The following ZNF277 variants were observed in gnomAD, a reference collection of about 807,000 sequenced individuals.
The protein encoded by ZNF277 is nuclear receptor-interacting factor 4.
Under a neutral mutation model 60.7 loss-of-function variants are expected in ZNF277, and 55 were observed. The ratio of observed to expected loss-of-function variants is 0.91; its 90% confidence interval spans 0.73 to 1.13. ZNF277 has a LOEUF of 1.13. ZNF277 is among the 50% of genes most tolerant of loss of function. The pLI is 0.00. For synonymous variants in ZNF277, 178 were observed against 179.3 expected (o/e 0.99, Z 0.06); for missense variants, 510 against 523.0 (o/e 0.98, Z 0.24).
chr7:112,334,265 G>A (rs1307801925), intron 7 of ZNF277, among the ~76,000 whole-genome samples: 2 of 152,064 alleles, frequency 1.3e-5, no homozygotes, highest in Non-Finnish European at 2.9e-5. Context: ...TTATTCATGA[G>A]CCATCTGATG....
intron 7 of ZNF277, 163 bp downstream of exon 7, chr7:112,330,379 C>T (rs555145115): frequency 1.5e-6 from 1 of 656,284 alleles, no homozygotes; most frequent in South Asian, 1.9e-5. Flanking sequence ...GAGTACAAGA[C>T]ATTTGATTTG....
Position 112,296,275 on chromosome 7 carries a change from T to C in ZNF277, c.429T>C (p.Asp143=), listed in dbSNP as rs1261016296. The C allele has an allele frequency of 6.3e-7, 1 of 1,592,486 alleles. No individual in the cohort carries two copies. Among genetic ancestry groups the C allele is most frequent in the East Asian group, 2.3e-5 (1 of 44,362 alleles). Residue 143 remains aspartate (D), a synonymous_variant, in exon 4 of 12, where the codon GAT becomes GAC. Coordinates refer to ENST00000361822, the MANE Select transcript of ZNF277 (RefSeq NM_021994.3). ...TGTTATGTGACGTTTTACCAGAAGA[T>C]AGAATTCTTAGAGAAGAGCTTCAGA... ...YFLLCDVLPE[D]RILREELQKQ...
chr7:112,310,212 G>A (rs1444971913), intron 4 of ZNF277, among the ~76,000 whole-genome samples: 1 of 151,986 alleles, frequency 6.6e-6, no homozygotes, highest in East Asian at 1.9e-4. Context: ...GGTCTTTTCT[G>A]GCATGGCCAG....
chr7:112,239,351 AT>A (rs1381123632), intron 1 of ZNF277, among the ~76,000 whole-genome samples: 1 of 150,078 alleles, frequency 6.7e-6, no homozygotes, highest in Non-Finnish European at 1.5e-5. Flanking sequence ...GTCTAGCTGG[AT>A]TTATTACTGC....
chr7:112,341,089 T>C (rs1213830656), intron 11 of ZNF277, 43 bp downstream of exon 11: 21 of 1,504,996 alleles, frequency 1.4e-5, no homozygotes, highest in Non-Finnish European at 1.9e-5. Context: ...ACTCCAACTC[T>C]TTGATTTTGT....
intron 1 of ZNF277, among the ~76,000 whole-genome samples, chr7:112,233,725 A>G (rs1342516208): frequency 1.3e-5 from 2 of 152,192 alleles, no homozygotes; most frequent in Non-Finnish European, 2.9e-5. Flanking sequence ...TGCACAGAAT[A>G]TTCTGAGACT....
At chr7:112,229,122 A>C (rs1318136573) in intron 1 of ZNF277, among the ~76,000 whole-genome samples, 1 of 152,240 alleles carries the variant, frequency 6.6e-6, no homozygotes, top group Non-Finnish European at 1.5e-5. Context: ...TAAAAGGACA[A>C]GACATAGTTG....
intron 4 of ZNF277, among the ~76,000 whole-genome samples, chr7:112,304,344 A>G (rs1247975628): frequency 6.6e-6 from 1 of 152,134 alleles, no homozygotes; most frequent in Non-Finnish European, 1.5e-5. Flanking sequence ...AGACTCTGGC[A>G]AACAGATCAG....
intron 1 of ZNF277, among the ~76,000 whole-genome samples, chr7:112,272,922 T>C (rs1046884377): frequency 6.6e-6 from 1 of 152,226 alleles, no homozygotes; most frequent in African/African-American, 2.4e-5. Context: ...ATTTTCTGTC[T>C]TTTGGGTAAA....
In ZNF277 at chr7:112,214,982, T is replaced by G. The variant is rs569319864; in HGVS notation, c.91+8175T>G. Among the ~76,000 whole-genome samples, 8 of 152,178 alleles carry G rather than the reference T, an allele frequency of 5.3e-5. 1 individual carries two copies. In the East Asian group the frequency reaches 1.4e-3, roughly 26 times the overall value. On this transcript the variant is annotated intron_variant, in intron 1 of 11. Transcript: ENST00000361822. ...CAGGAAAAAAAAAATGATGTTGATA[T>G]TATTGGGAGGTGTGGTGAGGGCAGA... is the stretch of plus-strand genomic sequence containing the variant.
intron 1 of ZNF277, among the ~76,000 whole-genome samples, chr7:112,216,221 C>A (rs1821876203): frequency 6.6e-6 from 1 of 152,210 alleles, no homozygotes; most frequent in East Asian, 1.9e-4. Context: ...ATTTTTCCAG[C>A]AGCAGTGATC....
rs77407158 is a variant in ZNF277, at chr7:112,294,453, G to T, written c.294-1416G>T. Among the ~76,000 whole-genome samples, 1,429 of 152,228 alleles carry T rather than the reference G, an allele frequency of 9.4e-3. 16 individuals are homozygous for T. Among genetic ancestry groups the T allele is most frequent in the African/African-American group, 0.032 (1,338 of 41,552 alleles). ...AGGGTGCATCATTTATATATTTGTG[G>T]TTTAAGGCTCAATGGGAGCTTAAGA... On this transcript the variant is annotated intron_variant, in intron 2 of 11. Coordinates refer to ENST00000361822, the MANE Select transcript of ZNF277 (RefSeq NM_021994.3).
intron 1 of ZNF277, among the ~76,000 whole-genome samples, chr7:112,217,880 T>C (rs1027388807): frequency 1.3e-5 from 2 of 152,154 alleles, no homozygotes; most frequent in Admixed American, 1.3e-4. Context: ...GGTACCACCG[T>C]ATCAATAAAC....
At chr7:112,327,575 T>C in intron 5 of ZNF277, 142 bp from the exon 6 acceptor site, 2 of 646,868 alleles carry the variant, frequency 3.1e-6, no homozygotes, top group South Asian at 3.6e-5. Flanking sequence ...AATGTCACTC[T>C]TTAATAGCTG....
chr7:112,209,178 T>C (rs1195265161), intron 1 of ZNF277, among the ~76,000 whole-genome samples: 1 of 152,170 alleles, frequency 6.6e-6, no homozygotes, highest in Admixed American at 6.5e-5. Flanking sequence ...AATGAACATA[T>C]AGTGTGACTT....
At chr7:112,310,632 C>T (rs141164720) in intron 4 of ZNF277, among the ~76,000 whole-genome samples, 3 of 151,956 alleles carry the variant, frequency 2.0e-5, no homozygotes, top group African/African-American at 7.2e-5. Context: ...TGAAATAATC[C>T]CAGATACCTC....
chr7:112,215,898 G>A (rs1273177795), intron 1 of ZNF277, among the ~76,000 whole-genome samples: 1 of 152,182 alleles, frequency 6.6e-6, no homozygotes, highest in Admixed American at 6.5e-5. Context: ...GTAATAAGCT[G>A]CTATTCACCA....
rs577240516 is a variant in ZNF277, at chr7:112,241,031, T to C, written c.91+34224T>C. 3.3e-5 allele frequency among the ~76,000 whole-genome samples: 5 copies of C among 151,950 alleles called. No individual in the cohort carries two copies. The South Asian group carries it at 1.0e-3, about 31-fold the overall frequency. Reference sequence around the variant, plus strand: ...ATCATATCAAATTAAAAACCTTCTGTACAGTGAAGGAAACAATCAACAAAG... The same window carrying C: ...ATCATATCAAATTAAAAACCTTCTGCACAGTGAAGGAAACAATCAACAAAG... On this transcript the variant is annotated intron_variant, in intron 1 of 11. Coordinates refer to ENST00000361822, the MANE Select transcript of ZNF277 (RefSeq NM_021994.3).
At chr7:112,304,805 CTCTT>C (rs1414284184) in intron 4 of ZNF277, among the ~76,000 whole-genome samples, 3 of 152,264 alleles carry the variant, frequency 2.0e-5, no homozygotes, top group South Asian at 4.1e-4. Context: ...AATTTGAAAA[CTCTT>C]TCAGTAACTT....
Sources: allele counts gnomAD v4.1 joint callset (sites outside exome capture counted in the v4.1 genomes callset), GRCh38; gene constraint gnomAD v4.1.1; transcripts MANE v1.5; gene names NCBI Gene and HGNC (gene_info 2026-07-23, HGNC 2026-07-21).